Variants in STAU2 observed in about 807,000 individuals in gnomAD.
STAU2 encodes the protein double-stranded RNA-binding protein Staufen homolog 2.
A neutral mutation model predicts 65.9 loss-of-function variants in STAU2; 20 were observed. The ratio of observed to expected loss-of-function variants is 0.30; its 90% CI spans 0.21 to 0.44. The LOEUF (loss-of-function observed/expected upper bound fraction) is 0.44. STAU2 is among the 20% of genes least tolerant of loss of function. The probability of loss-of-function intolerance (pLI) is 1.00; values close to 1 mark genes in which losing one functional copy is unlikely to be tolerated. For missense variants in STAU2, 558 were observed against 683.9 expected (o/e 0.82, Z 2.05); for synonymous variants, 232 against 233.9 (o/e 0.99, Z 0.07).
intron 6 of STAU2, among the ~76,000 whole-genome samples, chr8:73,651,103 C>A (rs1301452901): frequency 6.6e-6 from 1 of 152,224 alleles, no homozygotes; most frequent in Admixed American, 6.5e-5. Flanking sequence ...CTGCTCAGGG[C>A]CGACCCACAC....
At chr8:73,593,032 C>T (rs2128969209) in intron 11 of STAU2, among the ~76,000 whole-genome samples, 1 of 152,248 alleles carries the variant, frequency 6.6e-6, no homozygotes, top group South Asian at 2.1e-4. Context: ...AGTCTTTCCT[C>T]CTCTTTTTTC....
chr8:73,712,714 G>A (rs973984481), intron 3 of STAU2, among the ~76,000 whole-genome samples: 4 of 152,108 alleles, frequency 2.6e-5, no homozygotes, highest in Non-Finnish European at 5.9e-5. Context: ...CAGTACATTG[G>A]GAGGCAGAGG....
At chr8:73,731,814 C>T (rs1352715502) in intron 3 of STAU2, among the ~76,000 whole-genome samples, 2 of 152,024 alleles carry the variant, frequency 1.3e-5, no homozygotes, top group Non-Finnish European at 2.9e-5. Flanking sequence ...TGGTGCACGT[C>T]TGTAGTCCCA....
chr8:73,508,873 T>C (rs1475509117), intron 13 of STAU2, among the ~76,000 whole-genome samples: 1 of 152,250 alleles, frequency 6.6e-6, no homozygotes, highest in African/African-American at 2.4e-5. Flanking sequence ...ATTATATGGA[T>C]AAATGACATT....
At chr8:73,637,497 A>G (rs1002526151) in intron 6 of STAU2, among the ~76,000 whole-genome samples, 4 of 141,964 alleles carry the variant, frequency 2.8e-5, no homozygotes, top group Admixed American at 1.4e-4. Flanking sequence ...AAAAAAAAAA[A>G]AAAAAAAAGA....
chr8:73,503,886 C>T (rs552703379), intron 13 of STAU2, among the ~76,000 whole-genome samples: 2 of 152,092 alleles, frequency 1.3e-5, no homozygotes, highest in East Asian at 3.9e-4. Context: ...GGGGCCTGAC[C>T]AACCTTAGGG....
At chr8:73,645,133 G>T (rs1443096760) in intron 6 of STAU2, among the ~76,000 whole-genome samples, 2 of 152,122 alleles carry the variant, frequency 1.3e-5, no homozygotes, top group African/African-American at 4.8e-5. Context: ...TGCCAAAGGG[G>T]TTATGGTGGG....
rs140116486 is a variant in STAU2, at chr8:73,497,033, T to C, written c.1530+54979A>G. Among the ~76,000 whole-genome samples the C allele has an allele frequency of 9.7e-4, 148 of 151,896 alleles. 1 individual carries two copies. The highest frequency in any genetic ancestry group is 3.4e-3 in the African/African-American group (143 of 41,528). On this transcript the variant is annotated intron_variant, in intron 13 of 14. Transcript: ENST00000524300. ...ATAGATCAAATGCTTCCATGGAACA[T>C]CTACTTTCATCAGGAAAGGTTCATT...
intron 13 of STAU2, among the ~76,000 whole-genome samples, chr8:73,464,869 C>G (rs970958325): frequency 2.6e-5 from 4 of 152,130 alleles, no homozygotes; most frequent in Admixed American, 2.6e-4. Context: ...GATTAAAGAT[C>G]TACTCTTTGT....
chr8:73,638,378 T>C (rs998271000), intron 6 of STAU2, among the ~76,000 whole-genome samples: 3 of 140,482 alleles, frequency 2.1e-5, no homozygotes, highest in East Asian at 4.7e-4. Flanking sequence ...GCTATTTCTA[T>C]CCCAACAGTG....
intron 6 of STAU2, among the ~76,000 whole-genome samples, chr8:73,618,060 A>G (rs1237406038): frequency 6.6e-6 from 1 of 152,220 alleles, no homozygotes; most frequent in African/African-American, 2.4e-5. Context: ...CAGAGAATGT[A>G]AGAAGAAACA....
chr8:73,636,149 G>A (rs115157689), intron 6 of STAU2, among the ~76,000 whole-genome samples: 1,652 of 152,242 alleles, frequency 0.011, 33 homozygotes, highest in African/African-American at 0.038. Context: ...GAACCCAGGA[G>A]TTAGAGACCA....
chr8:73,606,073 T>G (rs1812016292), intron 9 of STAU2, among the ~76,000 whole-genome samples: 1 of 151,876 alleles, frequency 6.6e-6, no homozygotes, highest in African/African-American at 2.4e-5. Context: ...TAAAAATAAT[T>G]AACTCAAAAT....
At chr8:73,711,272 T>C (rs1420734450) in intron 3 of STAU2, among the ~76,000 whole-genome samples, 1 of 151,988 alleles carries the variant, frequency 6.6e-6, no homozygotes, top group Non-Finnish European at 1.5e-5. Flanking sequence ...TAAAACATCC[T>C]GTTCAATTTG....
At chr8:73,444,388 A>C (rs1223218442) in intron 13 of STAU2, among the ~76,000 whole-genome samples, 1 of 146,056 alleles carries the variant, frequency 6.8e-6, no homozygotes, top group African/African-American at 2.5e-5. Context: ...CCTAAGCAAC[A>C]ACAAGAGCAA....
chr8:73,559,698 C>T lies in STAU2; in HGVS notation c.1223-7379G>A, dbSNP rs1808054507. On this transcript the variant is annotated intron_variant, in intron 12 of 14. Transcript: ENST00000524300. ...CTTGGCATGATCTTTAGCTACTAGA[C>T]TGATGTGAGCTACAGAAATCCCCCT... 2.6e-5 allele frequency among the ~76,000 whole-genome samples: 4 copies of T among 152,318 alleles called. No homozygotes were observed. In the South Asian group the frequency reaches 8.3e-4, roughly 32 times the overall value.
At chr8:73,447,643 G>A (rs1376952089) in intron 13 of STAU2, among the ~76,000 whole-genome samples, 1 of 152,162 alleles carries the variant, frequency 6.6e-6, no homozygotes, top group East Asian at 1.9e-4. Flanking sequence ...AAGAGAACAG[G>A]AGGGCAGCTG....
chr8:73,724,849 A>G (rs545133234), intron 3 of STAU2, among the ~76,000 whole-genome samples: 4 of 152,010 alleles, frequency 2.6e-5, no homozygotes, highest in Non-Finnish European at 4.4e-5. Context: ...CACCACATCC[A>G]GCTAATTTTT....
intron 13 of STAU2, chr8:73,549,946 T>C (rs1807206138): frequency 3.0e-6 from 3 of 985,836 alleles, no homozygotes; most frequent in Non-Finnish European, 3.6e-6. Context: ...TAAATATACC[T>C]GAGAGGGTTA....
Sources: gnomAD v4.1 joint callset for allele counts (sites outside exome capture counted in the v4.1 genomes callset) on GRCh38, gnomAD v4.1.1 for gene constraint, MANE v1.5 for transcripts, NCBI Gene and HGNC (gene_info 2026-07-23, HGNC 2026-07-21) for gene names.